The following AKAP11 variants were observed in gnomAD, a reference collection of about 807,000 sequenced individuals.
AKAP11 encodes the protein A-kinase anchoring protein 11, also known as A-kinase anchor protein 11.
Under a neutral mutation model 146.1 loss-of-function variants are expected in AKAP11, and 36 were observed. The observed-to-expected ratio is 0.25, with a 90% CI of 0.19 to 0.33. The LOEUF (loss-of-function observed/expected upper bound fraction) is 0.33, where lower values mean the gene tolerates loss of function less well. Among genes scored for constraint, AKAP11 ranks in the 10% least tolerant of loss-of-function variants. The pLI is 1.00. For synonymous variants in AKAP11, 780 were observed against 786.5 expected, an observed-to-expected ratio of 0.99 and a Z score of 0.14; for missense variants, 2,201 against 2,197.0, an observed-to-expected ratio of 1.00 and a Z score of -0.04.
intron 1 of AKAP11, among the ~76,000 whole-genome samples, chr13:42,273,787 C>A (rs1373725799): frequency 6.6e-6 from 1 of 152,098 alleles, no homozygotes. Flanking sequence ...AAATACGGTA[C>A]TTTTAATTTT....
intron 1 of AKAP11, among the ~76,000 whole-genome samples, chr13:42,273,356 G>T (rs1235720264): frequency 1.3e-5 from 2 of 151,220 alleles, no homozygotes; most frequent in African/African-American, 4.9e-5. Context: ...GCAATTGAAT[G>T]ATTTTTTTTT....
chr13:42,303,984 TC>T (rs1253578276), intron 8 of AKAP11, 121 bp downstream of exon 8: 1 of 1,261,410 alleles, frequency 7.9e-7, no homozygotes, highest in Non-Finnish European at 1.1e-6. Context: ...ACAAAAGTTT[TC>T]CCTGTTGCAT....
intron 1 of AKAP11, among the ~76,000 whole-genome samples, chr13:42,283,778 A>G (rs1253170692): frequency 3.3e-5 from 5 of 152,100 alleles, no homozygotes; most frequent in Non-Finnish European, 1.5e-5. Flanking sequence ...TCTTTTCCCT[A>G]CTTCCCTTTT....
intron 1 of AKAP11, among the ~76,000 whole-genome samples, chr13:42,273,506 C>T (rs1958831843): frequency 6.6e-6 from 1 of 152,020 alleles, no homozygotes; most frequent in Admixed American, 6.6e-5. Flanking sequence ...TATGAAAGGT[C>T]AAAGAATGTA....
intron 8 of AKAP11, among the ~76,000 whole-genome samples, chr13:42,306,840 T>C (rs575360806): frequency 3.2e-4 from 48 of 152,304 alleles, no homozygotes; most frequent in African/African-American, 1.1e-3. Flanking sequence ...TACATTTTTA[T>C]TCATTTTTGT....
At chr13:42,298,429 CTTG>C in intron 6 of AKAP11, 101 bp from the exon 7 acceptor site, 11 of 1,248,232 alleles carry the variant, frequency 8.8e-6, no homozygotes, top group Non-Finnish European at 1.2e-5. Flanking sequence ...GCATGAATTT[CTTG>C]TTTGTTTTTT....
chr13:42,310,929 G>A (rs1458242968), intron 9 of AKAP11, among the ~76,000 whole-genome samples: 1 of 151,922 alleles, frequency 6.6e-6, no homozygotes, highest in Non-Finnish European at 1.5e-5. Context: ...AAGTTCAGTG[G>A]AGGGCAACAA....
In AKAP11 at chr13:42,302,400, A is replaced by G; in HGVS notation, c.3654A>G (p.Leu1218=). The G allele has an allele frequency of 6.2e-7, 1 of 1,614,140 alleles. No homozygotes were observed. The highest frequency in any genetic ancestry group is 1.1e-5 in the South Asian group (1 of 91,066). ...CAACTGAAATGGCAGCTTCCCATTT[A>G]GATAACAAAATAATTCAAGAACCCA... is the stretch of plus-strand genomic sequence containing the variant. ...SLATEMAASH[L]DNKIIQEPKV... The change falls in exon 8 of 13, where the codon TTA becomes TTG. Residue 1218 remains leucine (L), a synonymous_variant. Transcript: ENST00000025301.
rs770906438 is a variant in AKAP11, at chr13:42,313,084, G to A, written c.5311G>A (p.Glu1771Lys). 1.3e-5 allele frequency: 21 copies of A among 1,613,498 alleles called. No individual in the cohort carries two copies. In the East Asian group the frequency reaches 4.7e-4, roughly 36 times the overall value. The change falls in exon 10 of 13, where the codon GAA becomes AAA. Residue 1771 changes from glutamate to lysine, a missense_variant. By Grantham distance (56) the Glu-to-Lys change is moderately conservative. This residue lies in a region of AKAP11 where 1,867 missense variants were observed against 1,833.5 expected (regional missense o/e 1.02). Transcript: ENST00000025301. ...NSSSWSSLGLEGDLYEDNLSF... is the reference protein window; with the variant it reads ...NSSSWSSLGLKGDLYEDNLSF... ...CAGTAGCTGGAGCAGTCTTGGTTTA[G>A]AAGGAGATTTGTATGAGGACAATTT...
rs1281405167 is a variant in AKAP11, at chr13:42,301,019, A to G, written c.2273A>G (p.Gln758Arg). 6.2e-7 allele frequency: 1 copy of G among 1,614,156 alleles called. No individual in the cohort carries two copies. The highest frequency in any genetic ancestry group is 8.5e-7 in the Non-Finnish European group (1 of 1,179,976). Residue 758 changes from glutamine to arginine, a missense_variant, in exon 8 of 13, where the codon CAG (glutamine) becomes CGG (arginine). Gln to Arg is a conservative substitution (Grantham distance 43, BLOSUM62 1). Coordinates refer to ENST00000025301, the MANE Select transcript of AKAP11 (RefSeq NM_016248.4). ...NQAIMVTKPV[Q>R]EYKKEYTVQQ... ...GCAATTATGGTGACAAAACCAGTGC[A>G]GGAATATAAAAAGGAATACACAGTG...
rs750965006 is a variant in AKAP11, at chr13:42,300,205, A to T, written c.1459A>T (p.Thr487Ser). Residue 487 changes from threonine (T) to serine (S), a missense_variant, in exon 8 of 13, where the codon ACC becomes TCC. Physicochemically the swap from Thr to Ser is moderately conservative, Grantham distance 58. Coordinates refer to ENST00000025301, the MANE Select transcript of AKAP11 (RefSeq NM_016248.4). ...TGAAAATCATGATTCTGTTTATTACACCTATGAAGACTATGCAAAAAGCAT... is the reference window on the plus strand; with the variant it reads ...TGAAAATCATGATTCTGTTTATTACTCCTATGAAGACTATGCAAAAAGCAT... ...IHENHDSVYYTYEDYAKSISC... is the reference protein window; with the variant it reads ...IHENHDSVYYSYEDYAKSISC... 6.2e-7 allele frequency: 1 copy of T among 1,613,928 alleles called. No individual in the cohort carries two copies. The highest frequency in any genetic ancestry group is 8.5e-7 in the Non-Finnish European group (1 of 1,179,868).
In AKAP11 at chr13:42,302,759, G is replaced by C. The variant is rs755181662; in HGVS notation, c.4013G>C (p.Cys1338Ser). The change falls in exon 8 of 13, where the codon TGT becomes TCT. Residue 1338 changes from cysteine (C) to serine (S), a missense_variant. This residue lies in a region of AKAP11 where 1,867 missense variants were observed against 1,833.5 expected (regional missense o/e 1.02). Coordinates refer to ENST00000025301, the MANE Select transcript of AKAP11 (RefSeq NM_016248.4). ...MSGLMYKYPS[C>S]ESVTDEYAGH... The stretch of plus-strand genomic sequence containing the variant: ...GGTCTGATGTATAAGTATCCCAGCT[G>C]TGAAAGTGTGACAGATGAATATGCA... 1.2e-6 allele frequency: 2 copies of C among 1,614,134 alleles called. No individual in the cohort carries two copies. The highest frequency in any genetic ancestry group is 2.2e-5 in the South Asian group (2 of 91,072).
rs748239144 is a variant in AKAP11, at chr13:42,302,690, T to C, written c.3944T>C (p.Val1315Ala). ...DIEAVVHPREVDPFILSLPPS... is the reference protein window; with the variant it reads ...DIEAVVHPREADPFILSLPPS... ...GAGGCTGTAGTGCACCCAAGAGAAG[T>C]GGATCCGTTTATTCTTTCATTACCA... Residue 1315 changes from valine to alanine, a missense_variant, in exon 8 of 13, where the codon GTG (valine) becomes GCG (alanine). By Grantham distance (64) the Val-to-Ala change is moderately conservative (BLOSUM62 0). Transcript: ENST00000025301. The C allele has an allele frequency of 5.6e-6, 9 of 1,613,988 alleles. No individual in the cohort carries two copies. The South Asian group carries it at 9.9e-5, about 18-fold the overall frequency.
At chr13:42,306,962 A>G (rs1380593301) in intron 8 of AKAP11, among the ~76,000 whole-genome samples, 2 of 152,194 alleles carry the variant, frequency 1.3e-5, no homozygotes, top group African/African-American at 4.8e-5. Flanking sequence ...CTGAGATTGC[A>G]AGCATGAGCC....
At chr13:42,312,889 A>G (rs1594358022) in intron 9 of AKAP11, among the ~76,000 whole-genome samples, 158 bp from the exon 10 acceptor site, 1 of 152,236 alleles carries the variant, frequency 6.6e-6, no homozygotes, top group Non-Finnish European at 1.5e-5. Context: ...ACCTTTTAGC[A>G]TAGGAGTGAT....
rs547905933 is a variant in AKAP11 at position 42,279,286 on chromosome 13, C to A, written c.-99-6700C>A. ...ACCCACACACACACACACACACTCT[C>A]TCTCTCTCACTCACTCACTCGCTTA... On this transcript the variant is annotated intron_variant, in intron 1 of 12. Coordinates refer to ENST00000025301, the MANE Select transcript of AKAP11 (RefSeq NM_016248.4). Among the ~76,000 whole-genome samples the A allele has an allele frequency of 6.6e-5, 10 of 151,224 alleles. No individual in the cohort carries two copies. The East Asian group carries it at 2.0e-3, about 30-fold the overall frequency.
intron 1 of AKAP11, among the ~76,000 whole-genome samples, chr13:42,283,065 T>C (rs1330010137): frequency 6.6e-6 from 1 of 152,268 alleles, no homozygotes; most frequent in Non-Finnish European, 1.5e-5. Flanking sequence ...GTAGCTGTTA[T>C]CCTTTCTTCC....
upstream of AKAP11, chr13:42,272,108 G>GGGGCTGGGAGGGGGA (rs1555286103): frequency 2.6e-5 from 3 of 114,618 alleles, no homozygotes; most frequent in African/African-American, 1.0e-4. Flanking sequence ...GGCGGGCCGC[G>GGGGCTGGGAGGGGGA]GGGCTGGGAG....
intron 1 of AKAP11, among the ~76,000 whole-genome samples, chr13:42,274,717 G>A (rs2122242): frequency 0.16 from 24,647 of 152,104 alleles, 2,671 homozygotes; most frequent in Non-Finnish European, 0.23. Context: ...CTGGAGTAAA[G>A]GCATTTGAAA....
Sources: allele counts gnomAD v4.1 joint callset (sites outside exome capture counted in the v4.1 genomes callset), GRCh38; gene constraint gnomAD v4.1.1; regional missense constraint gnomAD v4.1.1; transcripts MANE v1.5; gene names NCBI Gene and HGNC (gene_info 2026-07-23, HGNC 2026-07-21).